EBF3: variants seen among roughly 807,000 people sequenced by gnomAD.
EBF3 encodes the protein EBF transcription factor 3.
EBF3 carries 18 observed loss-of-function variants against 77.1 expected under a neutral mutation model. That is an observed-to-expected ratio of 0.23 (90% CI 0.16 to 0.35). The LOEUF (loss-of-function observed/expected upper bound fraction) is 0.35. Among genes scored for constraint, EBF3 ranks in the 10% least tolerant of loss-of-function variants. The pLI, the probability that EBF3 is intolerant of heterozygous loss-of-function variation, is 1.00. For synonymous variants in EBF3, 350 were observed against 343.5 expected, an observed-to-expected ratio of 1.02 and a Z score of -0.21; for missense variants, 558 against 860.0, an observed-to-expected ratio of 0.65 and a Z score of 4.39.
intron 4 of EBF3, 126 bp from the exon 5 acceptor site, chr10:129,959,133 C>T: frequency 1.7e-6 from 2 of 1,152,330 alleles, no homozygotes; most frequent in Middle Eastern, 2.7e-4. Flanking sequence ...GATGCGCCCC[C>T]CTCCCTCGGC....
At chr10:129,921,676 T>C (rs1463473200) in intron 6 of EBF3, among the ~76,000 whole-genome samples, 1 of 152,188 alleles carries the variant, frequency 6.6e-6, no homozygotes, top group African/African-American at 2.4e-5. Context: ...GAAGAACTGC[T>C]GCCCGTCCTG....
At position 129,863,389 on chromosome 10, in the gene EBF3, T is replaced by G. The variant is rs1188981842; in HGVS notation, c.1039+3752A>C. Among the ~76,000 whole-genome samples, 2 of 152,272 alleles carry G rather than the reference T, an allele frequency of 1.3e-5. No individual in the cohort carries two copies. The highest frequency in any genetic ancestry group is 4.8e-5 in the African/African-American group (2 of 41,484). ...GGGCCTGGATGGATGGGGCCTGGCC[T>G]GCCTTCCCCTTCCCACTCGGGGTTG... On this transcript the variant is annotated intron_variant, in intron 10 of 16. Transcript: ENST00000440978. This position sits in a 1 kb window ranked among gnomAD's most constrained non-coding sequence, Gnocchi z 4.0.
chr10:129,950,031 G>C (rs1424219571), intron 6 of EBF3, among the ~76,000 whole-genome samples: 1 of 148,526 alleles, frequency 6.7e-6, no homozygotes, highest in African/African-American at 2.5e-5. Context: ...GGAGGGAGGA[G>C]GGAGGGGAGG....
chr10:129,921,985 A>G (rs1359449308), intron 6 of EBF3, among the ~76,000 whole-genome samples: 1 of 152,144 alleles, frequency 6.6e-6, no homozygotes, highest in Non-Finnish European at 1.5e-5. Context: ...GACGGACATG[A>G]GGGCAGAACC....
intron 6 of EBF3, among the ~76,000 whole-genome samples, chr10:129,929,492 CA>C (rs1306386940): frequency 6.6e-6 from 1 of 152,218 alleles, no homozygotes; most frequent in Admixed American, 6.5e-5. Flanking sequence ...AGACGTGAGC[CA>C]CCATGCCCGG....
chr10:129,934,581 AT>A (rs1349312953), intron 6 of EBF3, among the ~76,000 whole-genome samples: 1 of 152,070 alleles, frequency 6.6e-6, no homozygotes, highest in Non-Finnish European at 1.5e-5. Context: ...GCTCATTTGC[AT>A]ACTATTAAGT....
chr10:129,877,339 G>A (rs571861294), intron 7 of EBF3, among the ~76,000 whole-genome samples: 6 of 151,980 alleles, frequency 3.9e-5, no homozygotes, highest in Non-Finnish European at 8.8e-5. Context: ...AAAAATACTG[G>A]GTGTGGTGGT....
At position 129,835,376 on chromosome 10, in the gene EBF3, A is replaced by G. The variant is rs1454453739; in HGVS notation, c.*2567T>C. 7 of 152,482 alleles carry G rather than the reference A, an allele frequency of 4.6e-5. No individual in the cohort carries two copies. Among genetic ancestry groups the G allele is most frequent in the African/African-American group, 1.7e-4 (7 of 41,462 alleles). The allele number at this position is 152,482 out of a possible 1,614,324, so 9.4% of individuals were successfully genotyped here. The stretch of plus-strand genomic sequence containing the variant: ...TCTGAAAAAATGTACAGATAAAACA[A>G]TCTTATTGTAGGGTCTTTAACAGTA... On this transcript the variant is annotated 3_prime_UTR_variant, in exon 17 of 17. Transcript: ENST00000440978.
Position 129,861,335 on chromosome 10 carries a change from A to G in EBF3, c.1039+5806T>C, listed in dbSNP as rs1851621415. 6.6e-6 allele frequency among the ~76,000 whole-genome samples: 1 copy of G among 152,194 alleles called. No homozygotes were observed. The highest frequency in any genetic ancestry group is 2.4e-5 in the African/African-American group (1 of 41,456). ...CGCCACCCCACTTGGTACGAAAAAAAAAGTCACCCTTTGCCATCCATATTT... is the reference window on the plus strand; with the variant it reads ...CGCCACCCCACTTGGTACGAAAAAAGAAGTCACCCTTTGCCATCCATATTT... On this transcript the variant is annotated intron_variant, in intron 10 of 16. Coordinates refer to ENST00000440978, the MANE Select transcript of EBF3 (RefSeq NM_001375380.1). The surrounding 1 kb of genome is among the most constrained non-coding windows in gnomAD (Gnocchi z 4.3).
chr10:129,928,407 C>G (rs1856809223), intron 6 of EBF3, among the ~76,000 whole-genome samples: 2 of 152,156 alleles, frequency 1.3e-5, no homozygotes, highest in Admixed American at 1.3e-4. Context: ...ATTTTTATAT[C>G]ATTTTTGCCT....
In EBF3 at chr10:129,964,109, T is replaced by C. The variant is rs1859751090; in HGVS notation, c.-341A>G. On this transcript the variant is annotated 5_prime_UTR_variant, in exon 1 of 17. Coordinates refer to ENST00000440978, the MANE Select transcript of EBF3 (RefSeq NM_001375380.1). The surrounding 1 kb of genome is among the most constrained non-coding windows in gnomAD (Gnocchi z 4.5). Reference sequence around the variant, plus strand: ...GGCGGCGTCCGCGGCTGCAGGACACTGCGGGATCGCCCGCTTCTGGCGCGG... The same window carrying C: ...GGCGGCGTCCGCGGCTGCAGGACACCGCGGGATCGCCCGCTTCTGGCGCGG... 3 of 984,952 alleles carry C rather than the reference T, an allele frequency of 3.0e-6. No homozygotes were observed. Among genetic ancestry groups the C allele is most frequent in the Non-Finnish European group, 3.6e-6 (3 of 829,840 alleles). The allele number at this position is 984,952 out of a possible 1,614,324, so 61.0% of individuals were successfully genotyped here.
intron 10 of EBF3, among the ~76,000 whole-genome samples, chr10:129,850,258 T>C (rs1850772232): frequency 1.3e-5 from 2 of 152,266 alleles, no homozygotes; most frequent in South Asian, 2.1e-4. Context: ...ATTGATTTCA[T>C]GCAAATGCCC....
At position 129,962,946 on chromosome 10, in the gene EBF3, G is replaced by C. The variant is rs138726781; in HGVS notation, c.351C>G (p.Ser117Arg). ...GAGCACGCAGCAGGCACTTACCGTT[G>C]CTGTACAATAACTGGAGTTTATAGT... ...GIHYKLQLLY[S>R]NGVRTEQDLY... Residue 117 changes from serine (S) to arginine (R), a missense_variant, in exon 3 of 17, where the codon AGC becomes AGG. This residue lies in a region of EBF3 where 84 missense variants were observed against 142.3 expected (regional missense o/e 0.59). Coordinates refer to ENST00000440978, the MANE Select transcript of EBF3 (RefSeq NM_001375380.1). 6.2e-7 allele frequency: 1 copy of C among 1,614,062 alleles called. No homozygotes were observed. The highest frequency in any genetic ancestry group is 8.5e-7 in the Non-Finnish European group (1 of 1,179,974).
chr10:129,860,539 C>A (rs907066646), intron 10 of EBF3, among the ~76,000 whole-genome samples: 2 of 152,178 alleles, frequency 1.3e-5, no homozygotes, highest in Admixed American at 6.5e-5. Context: ...GTTAGCGTGG[C>A]CCCGATGAGA....
chr10:129,881,751 G>A (rs900969503), intron 6 of EBF3, among the ~76,000 whole-genome samples: 1 of 152,178 alleles, frequency 6.6e-6, no homozygotes, highest in Admixed American at 6.5e-5. Context: ...GCACAGTCGG[G>A]CCCTGTGCCG....
intron 9 of EBF3, 129 bp from the exon 10 acceptor site, chr10:129,867,396 G>T: frequency 1.4e-6 from 2 of 1,387,872 alleles, no homozygotes; most frequent in Non-Finnish European, 9.7e-7. Flanking sequence ...CCTCCTAGCT[G>T]TCACCCAGAG....
Position 129,842,246 on chromosome 10 carries a change from G to T in EBF3, c.1242C>A (p.Ser414Arg), listed in dbSNP as rs771823461. Reference sequence around the variant, plus strand: ...GGATCTGGTTGTGATTGCGGGGAACGCTGTACAGCGCCTCGGCGATGTCCG... The same window carrying T: ...GGATCTGGTTGTGATTGCGGGGAACTCTGTACAGCGCCTCGGCGATGTCCG... ...RAADIAEALY[S>R]VPRNHNQIPT... Residue 414 changes from serine to arginine, a missense_variant, in exon 13 of 17, where the codon AGC (serine) becomes AGA (arginine). Ser to Arg is a moderately radical substitution (Grantham distance 110). Around this residue, in one of 5 missense-constraint regions of EBF3, gnomAD observed 284 missense variants for 368.3 expected, o/e 0.77. Coordinates refer to ENST00000440978, the MANE Select transcript of EBF3 (RefSeq NM_001375380.1). The surrounding 1 kb of genome is among the most constrained non-coding windows in gnomAD (Gnocchi z 4.4). 6.2e-7 allele frequency: 1 copy of T among 1,613,070 alleles called. No homozygotes were observed.
At chr10:129,839,359 C>G (rs1390098128) in intron 15 of EBF3, among the ~76,000 whole-genome samples, 164 bp from the exon 16 acceptor site, 1 of 152,238 alleles carries the variant, frequency 6.6e-6, no homozygotes, top group Non-Finnish European at 1.5e-5. Flanking sequence ...CAGCACCTCA[C>G]AAAGGGCCAC....
At chr10:129,902,701 CTT>C (rs989893976) in intron 6 of EBF3, among the ~76,000 whole-genome samples, 17 of 152,194 alleles carry the variant, frequency 1.1e-4, no homozygotes, top group African/African-American at 3.6e-4. Context: ...TTGTGAGACT[CTT>C]TATGAGCGTG....
Sources: allele counts gnomAD v4.1 joint callset (sites outside exome capture counted in the v4.1 genomes callset), GRCh38; gene constraint gnomAD v4.1.1; regional missense constraint gnomAD v4.1.1; non-coding constraint Gnocchi (gnomAD v3.1); transcripts MANE v1.5; gene names NCBI Gene and HGNC (gene_info 2026-07-23, HGNC 2026-07-21).